Variants in TENM2 observed in about 807,000 individuals in gnomAD.
TENM2 encodes teneurin-2.
TENM2 carries 52 observed loss-of-function variants against 245.2 expected under a neutral mutation model. That is an observed-to-expected ratio of 0.21 (90% confidence interval 0.17 to 0.27). The LOEUF (loss-of-function observed/expected upper bound fraction) is 0.27, where lower values mean the gene tolerates loss of function less well. Ranked by LOEUF, TENM2 falls within the 10% of genes least tolerant of loss-of-function variation. TENM2 has a pLI of 1.00. For missense variants in TENM2, 3,046 were observed against 3,666.8 expected, an observed-to-expected ratio of 0.83 and a Z score of 4.37; for synonymous variants, 1,363 against 1,438.9, an observed-to-expected ratio of 0.95 and a Z score of 1.19.
intron 7 of TENM2, among the ~76,000 whole-genome samples, chr5:168,075,978 T>C (rs1581229725): frequency 6.6e-6 from 1 of 151,902 alleles, no homozygotes; most frequent in Non-Finnish European, 1.5e-5. Flanking sequence ...CCTCCCACCG[T>C]CTCCCTCCCA....
chr5:167,796,534 C>T (rs1322463033), intron 2 of TENM2, among the ~76,000 whole-genome samples: 1 of 152,116 alleles, frequency 6.6e-6, no homozygotes, highest in African/African-American at 2.4e-5. Context: ...TTCATGATAT[C>T]CTTAAGTCAA....
the TENM2 span, among the ~76,000 whole-genome samples, chr5:167,105,091 G>A: frequency 5.9e-5 from 9 of 152,242 alleles, no homozygotes; most frequent in South Asian, 1.2e-3. Flanking sequence ...TGTCAGACAC[G>A]TATTTCAAGG....
chr5:167,419,335 G>A (rs1036284108), intron 2 of TENM2, among the ~76,000 whole-genome samples: 1 of 152,134 alleles, frequency 6.6e-6, no homozygotes, highest in Non-Finnish European at 1.5e-5. Context: ...GGTGGCTCAT[G>A]CCTGTAATCC....
Position 167,452,625 on chromosome 5 carries a change from C to A in TENM2, c.502+77152C>A, listed in dbSNP as rs149744648. Among the ~76,000 whole-genome samples, 1,167 of 152,054 alleles carry A rather than the reference C, an allele frequency of 7.7e-3. 13 individuals carry two copies. Among genetic ancestry groups the A allele is most frequent in the African/African-American group, 0.026 (1,083 of 41,476 alleles). The stretch of plus-strand genomic sequence containing the variant: ...AATGGCCTTCCTGGGTTACTGAGAA[C>A]AAGAATGCATGGTTGTTTCTAGTTT... On this transcript the variant is annotated intron_variant, in intron 2 of 28. Transcript: ENST00000518659.
chr5:168,053,434 T>C (rs1396193680), intron 6 of TENM2, among the ~76,000 whole-genome samples: 4 of 152,200 alleles, frequency 2.6e-5, no homozygotes, highest in Non-Finnish European at 5.9e-5. Flanking sequence ...AATTGACTTG[T>C]ACACCCAGAT....
In TENM2 at chr5:168,019,834, T is replaced by G. The variant is rs1289905020; in HGVS notation, c.1186+26652T>G. On this transcript the variant is annotated intron_variant, in intron 5 of 28. Coordinates refer to ENST00000518659, the Ensembl canonical transcript of TENM2. ...ATTTTTAATTGCCACTGAATGATGT[T>G]TTAAGGACAATAAGTCCTTAGAGGA... Among the ~76,000 whole-genome samples the G allele has an allele frequency of 2.0e-5, 3 of 152,210 alleles. No individual in the cohort carries two copies. In the East Asian group the frequency reaches 5.8e-4, roughly 29 times the overall value.
chr5:167,110,301 G>A, the TENM2 span, among the ~76,000 whole-genome samples: 1 of 152,308 alleles, frequency 6.6e-6, no homozygotes, highest in East Asian at 1.9e-4. Context: ...ACTGGGGGAT[G>A]ACAATGTACA....
intron 6 of TENM2, among the ~76,000 whole-genome samples, chr5:168,048,384 C>A (rs953575625): frequency 2.0e-5 from 3 of 152,104 alleles, no homozygotes; most frequent in Admixed American, 2.0e-4. Context: ...TCCATTCTGC[C>A]TTTTAGCATC....
the TENM2 span, among the ~76,000 whole-genome samples, chr5:167,115,305 A>T: frequency 1.3e-5 from 2 of 152,180 alleles, no homozygotes; most frequent in South Asian, 4.1e-4. Flanking sequence ...CAGCTTTAAA[A>T]AAATATTCTG....
chr5:168,170,418 C>T (rs937148974), intron 13 of TENM2, among the ~76,000 whole-genome samples: 5 of 152,082 alleles, frequency 3.3e-5, no homozygotes, highest in African/African-American at 7.2e-5. Flanking sequence ...GCATGAGAAT[C>T]GCTTGAACCC....
chr5:167,190,982 AATATTTTCTTGATTAATTTTTGTTTTC>A, the TENM2 span, among the ~76,000 whole-genome samples: 2 of 152,034 alleles, frequency 1.3e-5, no homozygotes, highest in Non-Finnish European at 2.9e-5. Context: ...GTAACTGGTA[AATATTTTCTTGATTAATTTTTGTTTTC>A]ATTTATTTTG....
At chr5:167,425,887 T>C (rs1489358361) in intron 2 of TENM2, among the ~76,000 whole-genome samples, 2 of 152,204 alleles carry the variant, frequency 1.3e-5, no homozygotes, top group Non-Finnish European at 2.9e-5. Context: ...TTATTATTAT[T>C]GCTGGTAATA....
intron 2 of TENM2, among the ~76,000 whole-genome samples, chr5:167,804,178 T>C (rs1232200633): frequency 6.6e-6 from 1 of 152,216 alleles, no homozygotes; most frequent in African/African-American, 2.4e-5. Flanking sequence ...AACATTCTTC[T>C]GCTTGAACAC....
In TENM2 at chr5:167,776,593, G is replaced by GA. The variant is rs869252752; in HGVS notation, c.503-99360dup. On this transcript the variant is annotated intron_variant, in intron 2 of 28. Transcript: ENST00000518659. ...TTGGGCAGCAGATGAGACCCTGTCT[G>GA]AAAAAAAAAAAAAAAAAAAAAAAAA... Among the ~76,000 whole-genome samples the GA allele has an allele frequency of 2.0e-3, 71 of 36,016 alleles. 6 individuals carry two copies. Among genetic ancestry groups the GA allele is most frequent in the African/African-American group, 4.4e-3 (50 of 11,432 alleles). 23.6% of individuals were successfully genotyped at this position (36,016 alleles called of 152,430 possible).
At chr5:167,885,303 C>G (rs1319253509) in intron 3 of TENM2, among the ~76,000 whole-genome samples, 2 of 152,122 alleles carry the variant, frequency 1.3e-5, no homozygotes, top group Non-Finnish European at 2.9e-5. Flanking sequence ...CTTTTGGTGT[C>G]ATGCAACAAA....
chr5:167,086,970 G>C, the TENM2 span, among the ~76,000 whole-genome samples: 1 of 144,180 alleles, frequency 6.9e-6, no homozygotes, highest in Non-Finnish European at 1.5e-5. Flanking sequence ...CACACACACA[G>C]TGCCTGGGCT....
the TENM2 span, among the ~76,000 whole-genome samples, chr5:167,021,410 AATTTCCCATTACTT>A: frequency 1.3e-5 from 2 of 152,256 alleles, no homozygotes; most frequent in African/African-American, 4.8e-5. Context: ...GTGTTAATTT[AATTTCCCATTACTT>A]TGTAGAATGC....
intron 8 of TENM2, among the ~76,000 whole-genome samples, chr5:168,095,377 C>G (rs912026098): frequency 6.6e-6 from 1 of 152,174 alleles, no homozygotes; most frequent in Non-Finnish European, 1.5e-5. Context: ...ACCCCAGAGC[C>G]TTTGCATAAG....
intron 3 of TENM2, among the ~76,000 whole-genome samples, chr5:167,878,575 G>C (rs1174020363): frequency 1.2e-4 from 1 of 8,004 alleles, no homozygotes; most frequent in Non-Finnish European, 0.038. Flanking sequence ...GCTCACGTCT[G>C]TGTGTGTGTG....
Sources: allele counts gnomAD v4.1 joint callset (sites outside exome capture counted in the v4.1 genomes callset), GRCh38; gene constraint gnomAD v4.1.1; transcripts MANE v1.5; gene names NCBI Gene and HGNC (gene_info 2026-07-23, HGNC 2026-07-21).